Variants in CCDC171 observed in about 807,000 individuals in gnomAD.
CCDC171 encodes the protein coiled-coil domain containing 171, also known as coiled-coil domain-containing protein 171.
A neutral mutation model predicts 168.2 loss-of-function variants in CCDC171; 177 were observed. The ratio of observed to expected loss-of-function variants is 1.05; its 90% confidence interval spans 0.93 to 1.19. CCDC171 has a LOEUF of 1.19. CCDC171 is among the 50% of genes most tolerant of loss of function. CCDC171 has a pLI of 0.00. For missense variants in CCDC171, 1,991 were observed against 1,539.0 expected (o/e 1.29, Z -4.91); for synonymous variants, 687 against 540.8 (o/e 1.27, Z -3.75).
chr9:15,601,910 C>T (rs1451818900), intron 6 of CCDC171, among the ~76,000 whole-genome samples: 3 of 152,272 alleles, frequency 2.0e-5, no homozygotes, highest in East Asian at 3.9e-4. Flanking sequence ...TGATTTTGGT[C>T]TCATTTCCAG....
intron 18 of CCDC171, among the ~76,000 whole-genome samples, chr9:15,773,912 C>G (rs1333681172): frequency 6.6e-6 from 1 of 152,000 alleles, no homozygotes; most frequent in African/African-American, 2.4e-5. Flanking sequence ...GACTAATATC[C>G]AGAATCTACA....
At chr9:15,960,646 T>A (rs1263906810) in intron 25 of CCDC171, among the ~76,000 whole-genome samples, 1 of 152,206 alleles carries the variant, frequency 6.6e-6, no homozygotes, top group East Asian at 1.9e-4. Context: ...CTGACTATCA[T>A]GTAAAGGAAA....
chr9:16,089,838 G>A, the CCDC171 span, among the ~76,000 whole-genome samples: 1 of 152,066 alleles, frequency 6.6e-6, no homozygotes, highest in Non-Finnish European at 1.5e-5. Context: ...AACACCACTG[G>A]TCACTAGAGA....
At chr9:15,860,437 C>T (rs1217604864) in intron 23 of CCDC171, among the ~76,000 whole-genome samples, 3 of 151,720 alleles carry the variant, frequency 2.0e-5, no homozygotes, top group African/African-American at 2.4e-5. Context: ...CACTGAGTCT[C>T]TTAAGTTTTG....
the CCDC171 span, among the ~76,000 whole-genome samples, chr9:16,103,114 C>T: frequency 2.6e-5 from 4 of 152,206 alleles, no homozygotes; most frequent in Non-Finnish European, 5.9e-5. Flanking sequence ...GCAGGTCCAT[C>T]GGCCTTCAAT....
chr9:15,639,839 G>A (rs2046461683), intron 7 of CCDC171, among the ~76,000 whole-genome samples: 1 of 152,108 alleles, frequency 6.6e-6, no homozygotes, highest in African/African-American at 2.4e-5. Context: ...AATATGTTTT[G>A]GCCATTAATA....
the CCDC171 span, among the ~76,000 whole-genome samples, chr9:16,097,973 A>G: frequency 6.6e-6 from 1 of 152,348 alleles, no homozygotes; most frequent in East Asian, 1.9e-4. Context: ...AGGAAATGTT[A>G]TATGGAACTA....
chr9:15,556,251 T>A (rs928750158), intron 1 of CCDC171, among the ~76,000 whole-genome samples: 1 of 150,502 alleles, frequency 6.6e-6, no homozygotes, highest in African/African-American at 2.4e-5. Flanking sequence ...TCTCTCTGGC[T>A]GCCAGTGATG....
chr9:15,834,380 A>T (rs1332461694), intron 21 of CCDC171, among the ~76,000 whole-genome samples: 1 of 152,196 alleles, frequency 6.6e-6, no homozygotes. Flanking sequence ...ATGTGGGGAT[A>T]TGTATTCTAA....
intron 1 of CCDC171, among the ~76,000 whole-genome samples, chr9:16,049,725 G>T (rs909886492): frequency 6.6e-6 from 1 of 152,038 alleles, no homozygotes; most frequent in Non-Finnish European, 1.5e-5. Context: ...GCTTGCAGAT[G>T]GCCTGTCATG....
At chr9:15,943,667 C>T (rs1214522622) in intron 25 of CCDC171, among the ~76,000 whole-genome samples, 1 of 151,858 alleles carries the variant, frequency 6.6e-6, no homozygotes, top group African/African-American at 2.4e-5. Flanking sequence ...AATTATCTTC[C>T]CTTTTGAAGA....
rs745521764 is a variant in CCDC171 at position 15,591,358 on chromosome 9, C to G, written c.353-8C>G. 1 of 1,559,750 alleles carries G rather than the reference C, an allele frequency of 6.4e-7. No homozygotes were observed. Among genetic ancestry groups the G allele is most frequent in the Non-Finnish European group, 8.7e-7 (1 of 1,146,920 alleles). ...TTGTAAATGTACCTATTATTCTATT[C>G]TTAATAGCACAGAATTCAGAACTTC... On this transcript the variant is annotated splice_region_variant and splice_polypyrimidine_tract_variant and intron_variant, in intron 4 of 25. Coordinates refer to ENST00000380701, the MANE Select transcript of CCDC171 (RefSeq NM_173550.4).
At chr9:15,715,914 C>T (rs565585985) in intron 11 of CCDC171, among the ~76,000 whole-genome samples, 1 of 152,264 alleles carries the variant, frequency 6.6e-6, no homozygotes, top group East Asian at 1.9e-4. Flanking sequence ...TTTTTCTACT[C>T]CACCTCCTCC....
At chr9:15,941,933 A>G (rs771601515) in intron 25 of CCDC171, among the ~76,000 whole-genome samples, 2 of 151,968 alleles carry the variant, frequency 1.3e-5, no homozygotes, top group Non-Finnish European at 2.9e-5. Context: ...TTGCTTTTTA[A>G]CATGTTCAGC....
chr9:15,901,858 A>T (rs1159648986), intron 24 of CCDC171, among the ~76,000 whole-genome samples: 1 of 152,156 alleles, frequency 6.6e-6, no homozygotes, highest in Non-Finnish European at 1.5e-5. Flanking sequence ...AAGTGAATCT[A>T]TATATTAAAT....
chr9:15,685,134 A>G (rs1399856188), intron 10 of CCDC171, among the ~76,000 whole-genome samples: 2 of 152,242 alleles, frequency 1.3e-5, no homozygotes, highest in African/African-American at 4.8e-5. Context: ...ACAATTTATC[A>G]TTAACCTAAA....
At chr9:16,096,025 C>G in the CCDC171 span, among the ~76,000 whole-genome samples, 16 of 151,972 alleles carry the variant, frequency 1.1e-4, no homozygotes, top group African/African-American at 3.6e-4. Context: ...GGTTTTCCTC[C>G]TTCATTGCTC....
At chr9:16,012,765 T>C (rs1356812401) in intron 3 of CCDC171, among the ~76,000 whole-genome samples, 1 of 152,200 alleles carries the variant, frequency 6.6e-6, no homozygotes, top group East Asian at 1.9e-4. Flanking sequence ...TTCTTATTCA[T>C]GTTTGAGATA....
At chr9:15,946,191 A>G (rs1234195325) in intron 25 of CCDC171, among the ~76,000 whole-genome samples, 1 of 151,886 alleles carries the variant, frequency 6.6e-6, no homozygotes, top group Non-Finnish European at 1.5e-5. Flanking sequence ...AGATAGTTGT[A>G]GATATATGGC....
Sources: gnomAD v4.1 joint callset for allele counts (sites outside exome capture counted in the v4.1 genomes callset) on GRCh38, gnomAD v4.1.1 for gene constraint, MANE v1.5 for transcripts, NCBI Gene and HGNC (gene_info 2026-07-23, HGNC 2026-07-21) for gene names.